The following TRHDE variants were observed in gnomAD, a reference collection of about 807,000 sequenced individuals.
The protein encoded by TRHDE is thyrotropin-releasing hormone-degrading ectoenzyme.
TRHDE carries 72 observed loss-of-function variants against 125.7 expected under a neutral mutation model. The observed-to-expected ratio is 0.57, with a 90% CI of 0.47 to 0.70. The LOEUF (loss-of-function observed/expected upper bound fraction) is 0.70. TRHDE is among the 30% of genes least tolerant of loss of function. The pLI is 0.00. For missense variants in TRHDE, 1,110 were observed against 1,327.1 expected, an observed-to-expected ratio of 0.84 and a Z score of 2.54; for synonymous variants, 509 against 509.1, an observed-to-expected ratio of 1.00 and a Z score of 0.00.
At chr12:72,411,147 G>C (rs1044559187) in intron 3 of TRHDE, among the ~76,000 whole-genome samples, 1 of 149,652 alleles carries the variant, frequency 6.7e-6, no homozygotes, top group African/African-American at 2.5e-5. Flanking sequence ...AGCTTGCAGT[G>C]AGCCGAGATT....
intron 7 of TRHDE, among the ~76,000 whole-genome samples, chr12:72,560,106 G>T (rs538488487): frequency 1.8e-5 from 2 of 110,664 alleles, no homozygotes; most frequent in South Asian, 7.7e-4. Context: ...GTTTATGCAA[G>T]CTTTCTCTTT....
chr12:72,217,596 C>T (rs1437018831), intron 2 of TRHDE, among the ~76,000 whole-genome samples: 6 of 152,132 alleles, frequency 3.9e-5, no homozygotes, highest in Non-Finnish European at 8.8e-5. Context: ...CCAGAAATCC[C>T]TGCTCCATCA....
At chr12:72,449,768 T>C (rs1449592148) in intron 3 of TRHDE, among the ~76,000 whole-genome samples, 2 of 152,008 alleles carry the variant, frequency 1.3e-5, no homozygotes, top group Non-Finnish European at 2.9e-5. Flanking sequence ...GAAGGAACTT[T>C]TGTTATTACT....
intron 2 of TRHDE, among the ~76,000 whole-genome samples, chr12:72,149,848 A>C (rs1354747030): frequency 6.6e-6 from 1 of 152,172 alleles, no homozygotes; most frequent in Non-Finnish European, 1.5e-5. Context: ...CTATATGAAT[A>C]AATATAGCTT....
chr12:72,402,476 T>C (rs1873083369), intron 3 of TRHDE, among the ~76,000 whole-genome samples: 1 of 152,162 alleles, frequency 6.6e-6, no homozygotes, highest in Non-Finnish European at 1.5e-5. Flanking sequence ...ATTACTTCAA[T>C]CTCTGCCTTT....
intron 2 of TRHDE, among the ~76,000 whole-genome samples, chr12:72,182,505 G>C (rs1287833402): frequency 2.0e-5 from 3 of 152,164 alleles, no homozygotes; most frequent in South Asian, 4.1e-4. Context: ...AAAATTGGCT[G>C]GCTTCTTACC....
intron 2 of TRHDE, among the ~76,000 whole-genome samples, chr12:72,248,595 G>A (rs1252714222): frequency 6.6e-6 from 1 of 152,118 alleles, no homozygotes; most frequent in African/African-American, 2.4e-5. Flanking sequence ...GAAGAGGAAG[G>A]AGAACAAATG....
chr12:72,619,569 G>GACAAACATTC (rs1243753353), intron 13 of TRHDE, among the ~76,000 whole-genome samples: 1 of 152,096 alleles, frequency 6.6e-6, no homozygotes, highest in Non-Finnish European at 1.5e-5. Context: ...AAGAAGACAT[G>GACAAACATTC]ACAAACATTC....
chr12:72,200,091 A>G (rs1216817862), intron 2 of TRHDE, among the ~76,000 whole-genome samples: 1 of 152,224 alleles, frequency 6.6e-6, no homozygotes, highest in Non-Finnish European at 1.5e-5. Flanking sequence ...CCTCAAGTGA[A>G]TAAATAGTGA....
At chr12:72,173,552 T>C (rs1329418782) in intron 2 of TRHDE, among the ~76,000 whole-genome samples, 1 of 152,218 alleles carries the variant, frequency 6.6e-6, no homozygotes, top group Non-Finnish European at 1.5e-5. Context: ...CCCACCCGCA[T>C]TGTTCCTGCA....
intron 5 of TRHDE, among the ~76,000 whole-genome samples, chr12:72,495,072 T>G (rs1308824863): frequency 7.1e-6 from 1 of 140,482 alleles, no homozygotes; most frequent in African/African-American, 2.6e-5. Flanking sequence ...TTTTTTTTTT[T>G]TTTTTTTTTT....
chr12:72,626,654 A>C (rs1305142015), intron 15 of TRHDE, among the ~76,000 whole-genome samples: 1 of 151,926 alleles, frequency 6.6e-6, no homozygotes, highest in Non-Finnish European at 1.5e-5. Context: ...GCTCTTAATC[A>C]GTTGCTATTC....
At chr12:72,486,711 T>A (rs1389813510) in intron 5 of TRHDE, among the ~76,000 whole-genome samples, 1 of 152,036 alleles carries the variant, frequency 6.6e-6, no homozygotes, top group Non-Finnish European at 1.5e-5. Context: ...ACCGCACCAC[T>A]AAGTATGCAA....
At chr12:72,412,612 A>G (rs1715374149) in intron 3 of TRHDE, among the ~76,000 whole-genome samples, 1 of 152,106 alleles carries the variant, frequency 6.6e-6, no homozygotes, top group South Asian at 2.1e-4. Flanking sequence ...GTGGACAACA[A>G]TGTTCAAAGC....
chr12:72,495,550 C>T (rs967491861), intron 5 of TRHDE, among the ~76,000 whole-genome samples: 1 of 152,054 alleles, frequency 6.6e-6, no homozygotes, highest in South Asian at 2.1e-4. Context: ...TTAATCATTT[C>T]ATCCTCTGTG....
At chr12:72,429,545 A>G (rs920725079) in intron 3 of TRHDE, among the ~76,000 whole-genome samples, 1 of 151,938 alleles carries the variant, frequency 6.6e-6, no homozygotes, top group African/African-American at 2.4e-5. Context: ...GTCTATGGCT[A>G]GGGGTGGAAT....
intron 1 of TRHDE, among the ~76,000 whole-genome samples, chr12:72,277,257 G>A (rs1313604814): frequency 6.6e-6 from 1 of 152,082 alleles, no homozygotes; most frequent in Non-Finnish European, 1.5e-5. Flanking sequence ...AAAAATCTTG[G>A]GGAGAGAATG....
intron 5 of TRHDE, among the ~76,000 whole-genome samples, chr12:72,495,059 C>T (rs1335131577): frequency 5.0e-5 from 3 of 59,982 alleles, no homozygotes; most frequent in South Asian, 4.6e-4. Context: ...GTTCCTCCCC[C>T]GTTTTTTTTT....
At chr12:72,152,729 C>T (rs1377015487) in intron 2 of TRHDE, among the ~76,000 whole-genome samples, 3 of 152,220 alleles carry the variant, frequency 2.0e-5, no homozygotes, top group East Asian at 3.8e-4. Context: ...ACCAGCCTTG[C>T]ATCCCAGGGA....
Sources: gnomAD v4.1 joint callset for allele counts (sites outside exome capture counted in the v4.1 genomes callset) on GRCh38, gnomAD v4.1.1 for gene constraint, MANE v1.5 for transcripts, NCBI Gene and HGNC (gene_info 2026-07-23, HGNC 2026-07-21) for gene names.